SLC25A20: variants seen among roughly 807,000 people sequenced by gnomAD.
The protein encoded by SLC25A20 is mitochondrial carnitine/acylcarnitine carrier protein.
In SLC25A20, 29 loss-of-function variants were observed where a neutral mutation model predicts 39.7. The ratio of observed to expected loss-of-function variants is 0.73; its 90% CI spans 0.54 to 1.00. The LOEUF is 1.00. Among genes scored for constraint, SLC25A20 ranks in the 50% least tolerant of loss-of-function variants. The pLI is 0.00. For synonymous variants in SLC25A20, 103 were observed against 142.2 expected, an observed-to-expected ratio of 0.72 and a Z score of 1.96; for missense variants, 333 against 379.9, an observed-to-expected ratio of 0.88 and a Z score of 1.03.
chr3:48,881,900 T>C (rs1352254938), intron 3 of SLC25A20, among the ~76,000 whole-genome samples: 1 of 152,186 alleles, frequency 6.6e-6, no homozygotes, highest in East Asian at 1.9e-4. Flanking sequence ...ATTTATAGAA[T>C]CTAGGGACAT....
At position 48,878,273 on chromosome 3, in the gene SLC25A20, AATATATATATAT is replaced by A; in HGVS notation, c.417+1073_417+1084del. Among the ~76,000 whole-genome samples, 2 of 127,654 alleles carry A rather than the reference AATATATATATAT, an allele frequency of 1.6e-5. 1 individual carries two copies. The highest frequency in any genetic ancestry group is 7.8e-3 in the Middle Eastern group (2 of 258). 83.7% of individuals were successfully genotyped at this position (127,654 alleles called of 152,430 possible). A position where few individuals can be genotyped will look rare whatever the true frequency, so the allele number is the denominator to read the frequency against. ...AGACTCCATCTCCACAAAAAAAAAA[AATATATATATAT>A]ATATATATATATATGTATATATATA... On this transcript the variant is annotated intron_variant, in intron 4 of 8. Transcript: ENST00000319017.
Position 48,897,346 on chromosome 3 carries a change from A to AATAT in SLC25A20, c.105+1340_105+1343dup, listed in dbSNP as rs34139351. On this transcript the variant is annotated intron_variant, in intron 1 of 8. Transcript: ENST00000319017. ...TAGGAGCAATATTTGTGTGTGTGTG[A>AATAT]ATATATATATATATATATATATTTT... Among the ~76,000 whole-genome samples, 312 of 121,320 alleles carry AATAT rather than the reference A, an allele frequency of 2.6e-3. 5 individuals carry two copies. The highest frequency in any genetic ancestry group is 8.2e-3 in the African/African-American group (248 of 30,324). The allele number at this position is 121,320 out of a possible 152,430, so 79.6% of individuals were successfully genotyped here.
At chr3:48,891,951 AAG>A in intron 2 of SLC25A20, 27 bp downstream of exon 2, 1 of 1,526,778 alleles carries the variant, frequency 6.5e-7, no homozygotes, top group Non-Finnish European at 9.1e-7. Flanking sequence ...TGTTCTGAGT[AAG>A]AGGAATGCCC....
In SLC25A20 at chr3:48,883,944, C is replaced by T. The variant is rs1575989491; in HGVS notation, c.326+53G>A. ...CTGCCCAAGTTTCTTTATTTTAACCCATGTCACGCTACCAGGCAGAACAGC... is the reference window on the plus strand; with the variant it reads ...CTGCCCAAGTTTCTTTATTTTAACCTATGTCACGCTACCAGGCAGAACAGC... On this transcript the variant is annotated intron_variant, in intron 3 of 8. Transcript: ENST00000319017. The T allele has an allele frequency of 3.7e-6, 6 of 1,605,456 alleles. No homozygotes were observed. The East Asian group carries it at 1.3e-4, about 36-fold the overall frequency.
chr3:48,860,095 G>C (rs1486467590), intron 5 of SLC25A20, among the ~76,000 whole-genome samples: 1 of 152,098 alleles, frequency 6.6e-6, no homozygotes, highest in Non-Finnish European at 1.5e-5. Context: ...AAGGTCAGGA[G>C]TTTGAGACCA....
intron 4 of SLC25A20, among the ~76,000 whole-genome samples, chr3:48,871,355 AAAG>A (rs2083713479): frequency 6.6e-6 from 1 of 152,094 alleles, no homozygotes; most frequent in African/African-American, 2.4e-5. Context: ...AAAAAAAAAA[AAAG>A]AGAATCAAGT....
rs2083590608 is a variant in SLC25A20 at position 48,857,721 on chromosome 3, G to C, written c.895C>G (p.Pro299Ala). 8.1e-6 allele frequency: 13 copies of C among 1,613,896 alleles called. No individual in the cohort carries two copies. Among genetic ancestry groups the C allele is most frequent in the Non-Finnish European group, 1.1e-5 (13 of 1,179,952 alleles). Reference sequence around the variant, plus strand: ...AGCAGCCTTCAGCCTCACAAGTTGGGGGTGGCCCAATTAAGGAACTTCATG... The same window carrying C: ...AGCAGCCTTCAGCCTCACAAGTTGGCGGTGGCCCAATTAAGGAACTTCATG... ...VAMKFLNWATPNL is the reference protein window; with the variant it reads ...VAMKFLNWATANL The change falls in exon 9 of 9, where the codon CCC becomes GCC. Residue 299 changes from proline (P) to alanine (A), a missense_variant. Physicochemically the swap from Pro to Ala is conservative, Grantham distance 27. Coordinates refer to ENST00000319017, the MANE Select transcript of SLC25A20 (RefSeq NM_000387.6).
Position 48,857,754 on chromosome 3 carries a change from C to A in SLC25A20, c.862G>T (p.Glu288Ter), listed in dbSNP as rs1171938859. Residue 288 changes from glutamate (E) to a stop codon, truncating the protein, a stop_gained, in exon 9 of 9, where the codon GAA becomes TAA. Transcript: ENST00000319017. LOFTEE classifies it high-confidence loss of function. ...PANAACFLGF[E>*]VAMKFLNWAT... ...CAATTAAGGAACTTCATGGCAACTTCAAAGCCAAGGAAACAGGCCTAAGAA... is the reference window on the plus strand; with the variant it reads ...CAATTAAGGAACTTCATGGCAACTTAAAAGCCAAGGAAACAGGCCTAAGAA... 2 of 1,613,674 alleles carry A rather than the reference C, an allele frequency of 1.2e-6. No individual in the cohort carries two copies. Among genetic ancestry groups the A allele is most frequent in the Non-Finnish European group, 1.7e-6 (2 of 1,179,966 alleles).
At chr3:48,868,951 A>C (rs1445769228) in intron 4 of SLC25A20, among the ~76,000 whole-genome samples, 1 of 152,218 alleles carries the variant, frequency 6.6e-6, no homozygotes, top group Non-Finnish European at 1.5e-5. Flanking sequence ...TAGGACTTGC[A>C]TCCCTGACAG....
intron 3 of SLC25A20, among the ~76,000 whole-genome samples, chr3:48,883,578 A>T (rs1205633387): frequency 6.8e-6 from 1 of 147,154 alleles, no homozygotes; most frequent in Non-Finnish European, 1.5e-5. Context: ...AAAAACTCCC[A>T]GGAGTCAGGC....
At chr3:48,881,667 T>C (rs1337575400) in intron 3 of SLC25A20, among the ~76,000 whole-genome samples, 1 of 152,078 alleles carries the variant, frequency 6.6e-6, no homozygotes, top group Non-Finnish European at 1.5e-5. Flanking sequence ...GGAAGACTGT[T>C]TTTCTGAGTG....
intron 2 of SLC25A20, among the ~76,000 whole-genome samples, chr3:48,886,109 C>G (rs2083827332): frequency 6.6e-6 from 1 of 151,928 alleles, no homozygotes. Context: ...TGGATTAAAC[C>G]ACAAAGGGTG....
intron 2 of SLC25A20, among the ~76,000 whole-genome samples, chr3:48,888,649 T>C (rs2083852156): frequency 6.6e-6 from 1 of 152,062 alleles, no homozygotes. Flanking sequence ...ACCCAAGTCC[T>C]ACAGGAATCC....
intron 4 of SLC25A20, among the ~76,000 whole-genome samples, chr3:48,871,233 A>G (rs549086865): frequency 2.6e-5 from 4 of 152,110 alleles, no homozygotes; most frequent in Non-Finnish European, 5.9e-5. Context: ...TACGTTTAAC[A>G]TAATTCCTAT....
At position 48,857,544 on chromosome 3, in the gene SLC25A20, G is replaced by A. The variant is rs956267465; in HGVS notation, c.*166C>T. 12 of 658,156 alleles carry A rather than the reference G, an allele frequency of 1.8e-5. No homozygotes were observed. The highest frequency in any genetic ancestry group is 5.4e-5 in the African/African-American group (3 of 55,232). 40.8% of individuals were successfully genotyped at this position (658,156 alleles called of 1,614,324 possible). On this transcript the variant is annotated 3_prime_UTR_variant, in exon 9 of 9. Transcript: ENST00000319017. ...CAAAATGACACACTAAGTTATACAC[G>A]GTGCAGGATGTCATTAAGGCAACAG...
chr3:48,890,809 G>GT (rs1350831019), intron 2 of SLC25A20, among the ~76,000 whole-genome samples: 4 of 146,886 alleles, frequency 2.7e-5, no homozygotes, highest in Non-Finnish European at 1.5e-5. Flanking sequence ...TGCCCGCCAC[G>GT]ACGTCCGGCT....
intron 1 of SLC25A20, chr3:48,895,880 C>T (rs894829585): frequency 2.2e-6 from 1 of 444,772 alleles, no homozygotes; most frequent in African/African-American, 2.0e-5. Flanking sequence ...TGGCTCACAC[C>T]TATAATCCCA....
At chr3:48,876,746 T>TA (rs1313120105) in intron 4 of SLC25A20, among the ~76,000 whole-genome samples, 1 of 151,666 alleles carries the variant, frequency 6.6e-6, no homozygotes, top group Admixed American at 6.6e-5. Flanking sequence ...TTTTAAAATT[T>TA]AAAAAAAATT....
At chr3:48,891,878 T>A in intron 2 of SLC25A20, 102 bp downstream of exon 2, 1 of 946,644 alleles carries the variant, frequency 1.1e-6, no homozygotes, top group Non-Finnish European at 1.7e-6. Flanking sequence ...GTGAGCTAGC[T>A]GTCCAGCAGA....
Sources: allele counts gnomAD v4.1 joint callset (sites outside exome capture counted in the v4.1 genomes callset), GRCh38; gene constraint gnomAD v4.1.1; transcripts MANE v1.5; gene names NCBI Gene and HGNC (gene_info 2026-07-23, HGNC 2026-07-21).